The following AQP9 variants were observed in gnomAD, a reference collection of about 807,000 sequenced individuals.
The protein encoded by AQP9 is aquaporin 9.
A neutral mutation model predicts 23.8 loss-of-function variants in AQP9; 19 were observed. That is an observed-to-expected ratio of 0.80 (90% CI 0.56 to 1.17). The LOEUF is 1.17. Ranked by LOEUF, AQP9 falls within the 50% of genes most tolerant of loss-of-function variation. The pLI is 0.00. For missense variants in AQP9, 413 were observed against 362.0 expected, an observed-to-expected ratio of 1.14 and a Z score of -1.14; for synonymous variants, 153 against 131.5, an observed-to-expected ratio of 1.16 and a Z score of -1.12.
At chr15:58,153,968 T>A (rs1898198638) in intron 1 of AQP9, 1 of 152,156 alleles carries the variant, frequency 6.6e-6, no homozygotes, top group African/African-American at 2.4e-5. Flanking sequence ...ATCGGCAGTA[T>A]CTTCGCTGGA....
At position 58,173,155 on chromosome 15, in the gene AQP9, A is replaced by C. The variant is rs1325952020; in HGVS notation, c.326A>C (p.Gln109Pro). Residue 109 changes from glutamine (Q) to proline (P), a missense_variant, in exon 3 of 6, where the codon CAG becomes CCG. Coordinates refer to ENST00000219919, the MANE Select transcript of AQP9 (RefSeq NM_020980.5). ...AAATTGCCATTTTATGTGGGAGCCC[A>C]GTTCTTGGGAGCCTTTGTGGGGGCT... ...WFKLPFYVGA[Q>P]FLGAFVGAAT... The C allele has an allele frequency of 2.5e-6, 4 of 1,614,062 alleles. No homozygotes were observed. Among genetic ancestry groups the C allele is most frequent in the South Asian group, 1.1e-5 (1 of 91,086 alleles).
At chr15:58,156,756 G>T (rs1898270015) in intron 1 of AQP9, among the ~76,000 whole-genome samples, 1 of 152,174 alleles carries the variant, frequency 6.6e-6, no homozygotes. Flanking sequence ...ACTGGCCAGG[G>T]TTCAGATGTT....
At position 58,168,969 on chromosome 15, in the gene AQP9, G is replaced by A. The variant is rs905597207; in HGVS notation, c.238+2170G>A. On this transcript the variant is annotated intron_variant, in intron 2 of 5. Coordinates refer to ENST00000219919, the MANE Select transcript of AQP9 (RefSeq NM_020980.5). ...TCCAATAGTTACTTAGAATTAATTG[G>A]CCCCAGACCCTACCACTGCTGTTAA... Among the ~76,000 whole-genome samples the A allele has an allele frequency of 3.3e-5, 5 of 152,074 alleles. No individual in the cohort carries two copies. In the East Asian group the frequency reaches 9.6e-4, roughly 29 times the overall value.
At chr15:58,167,734 G>GTT (rs11431736) in intron 2 of AQP9, among the ~76,000 whole-genome samples, 1 of 150,722 alleles carries the variant, frequency 6.6e-6, no homozygotes, top group African/African-American at 2.4e-5. Flanking sequence ...GTTTGGTTTT[G>GTT]TTTTTTTTTA....
At chr15:58,164,840 C>G (rs1336257766) in intron 1 of AQP9, among the ~76,000 whole-genome samples, 1 of 152,058 alleles carries the variant, frequency 6.6e-6, no homozygotes, top group African/African-American at 2.4e-5. Flanking sequence ...CACAAATGAG[C>G]CCTGAGGGAG....
chr15:58,167,428 G>A (rs1272913746), intron 2 of AQP9, among the ~76,000 whole-genome samples: 8 of 152,212 alleles, frequency 5.3e-5, no homozygotes, highest in African/African-American at 1.9e-4. Flanking sequence ...CCTGGTGTGG[G>A]TCCTCAGAGC....
chr15:58,140,144 A>T (rs75696558), intron 1 of AQP9, among the ~76,000 whole-genome samples: 2 of 152,118 alleles, frequency 1.3e-5, no homozygotes, highest in East Asian at 3.9e-4. Context: ...AAGCAAATTC[A>T]GTTACAATTC....
chr15:58,178,457 C>T (rs28568664), intron 4 of AQP9, among the ~76,000 whole-genome samples: 35,000 of 152,008 alleles, frequency 0.23, 4,237 homozygotes, highest in Middle Eastern at 0.32. Flanking sequence ...GTGTAATTCT[C>T]AAACATCCAG....
rs913472265 is a variant in AQP9, at chr15:58,145,284, C to A, written c.111+6608C>A. Among the ~76,000 whole-genome samples the A allele has an allele frequency of 4.0e-5, 6 of 151,890 alleles. 1 individual carries two copies. Among genetic ancestry groups the A allele is most frequent in the African/African-American group, 1.5e-4 (6 of 41,332 alleles). On this transcript the variant is annotated intron_variant, in intron 1 of 5. Transcript: ENST00000219919. Reference sequence around the variant, plus strand: ...TTGGGAGGCCGAGGCAGGTGGATCACCTAAGGTCAGGAGTTCAAGACCAGC... The same window carrying A: ...TTGGGAGGCCGAGGCAGGTGGATCAACTAAGGTCAGGAGTTCAAGACCAGC...
At chr15:58,145,165 C>G (rs1316658868) in intron 1 of AQP9, among the ~76,000 whole-genome samples, 1 of 151,996 alleles carries the variant, frequency 6.6e-6, no homozygotes, top group Non-Finnish European at 1.5e-5. Flanking sequence ...GATCAGCTTT[C>G]TTTATTCTTG....
intron 1 of AQP9, 101 bp downstream of exon 1, chr15:58,138,777 T>C: frequency 1.0e-6 from 1 of 980,044 alleles, no homozygotes; most frequent in Admixed American, 2.2e-5. Context: ...TTTAAGTTAA[T>C]TGGGATCAGA....
At chr15:58,183,569 C>T (rs1898939772) in intron 5 of AQP9, among the ~76,000 whole-genome samples, 3 of 152,046 alleles carry the variant, frequency 2.0e-5, no homozygotes, top group African/African-American at 7.3e-5. Flanking sequence ...ACTAATGATG[C>T]CCAGGAATCT....
intron 3 of AQP9, among the ~76,000 whole-genome samples, chr15:58,174,038 C>T (rs1176642736): frequency 6.6e-6 from 1 of 152,108 alleles, no homozygotes; most frequent in African/African-American, 2.4e-5. Context: ...AATCCCAACA[C>T]TTTGGGAGGC....
At chr15:58,158,022 A>G (rs1191526758) in intron 1 of AQP9, among the ~76,000 whole-genome samples, 1 of 152,138 alleles carries the variant, frequency 6.6e-6, no homozygotes, top group Non-Finnish European at 1.5e-5. Context: ...CAGGAACTAT[A>G]AGGAGACAAA....
intron 5 of AQP9, 32 bp downstream of exon 5, chr15:58,179,377 G>T (rs1272730990): frequency 1.2e-5 from 19 of 1,575,026 alleles, no homozygotes; most frequent in Non-Finnish European, 1.6e-5. Context: ...GAGAGAGACA[G>T]AGTCATGCTG....
chr15:58,157,577 T>G (rs1364474926), intron 1 of AQP9, among the ~76,000 whole-genome samples: 1 of 152,182 alleles, frequency 6.6e-6, no homozygotes, highest in African/African-American at 2.4e-5. Flanking sequence ...AGGCCCCTTC[T>G]AGGCCCATAC....
chr15:58,179,057 A>C, intron 4 of AQP9, 71 bp from the exon 5 acceptor site: 1 of 1,071,362 alleles, frequency 9.3e-7, no homozygotes, highest in Non-Finnish European at 1.4e-6. Flanking sequence ...AATAGTAAGA[A>C]GGGATGATTT....
rs1157964071 is a variant in AQP9, at chr15:58,184,328, A to T, written c.*193A>T. 2.2e-6 allele frequency: 1 copy of T among 465,080 alleles called. No individual in the cohort carries two copies. Among genetic ancestry groups the T allele is most frequent in the Non-Finnish European group, 3.6e-6 (1 of 280,130 alleles). The allele number at this position is 465,080 out of a possible 1,614,324, so 28.8% of individuals were successfully genotyped here. ...GACCACTTCTCTACCATTGTCCCCC[A>T]CCCCCACCCCCCAGAATAACGCTGA... On this transcript the variant is annotated 3_prime_UTR_variant, in exon 6 of 6. Coordinates refer to ENST00000219919, the MANE Select transcript of AQP9 (RefSeq NM_020980.5).
chr15:58,157,876 G>A (rs1898296382), intron 1 of AQP9, among the ~76,000 whole-genome samples: 1 of 152,082 alleles, frequency 6.6e-6, no homozygotes, highest in African/African-American at 2.4e-5. Context: ...AGAAAGGAAG[G>A]GAAATTGGAG....
Sources: gnomAD v4.1 joint callset for allele counts (sites outside exome capture counted in the v4.1 genomes callset) on GRCh38, gnomAD v4.1.1 for gene constraint, MANE v1.5 for transcripts, NCBI Gene and HGNC (gene_info 2026-07-23, HGNC 2026-07-21) for gene names.